Variants in ABLIM2 observed in about 807,000 individuals in gnomAD.
The protein encoded by ABLIM2 is actin-binding LIM protein 2.
In ABLIM2, 53 loss-of-function variants were observed where a neutral mutation model predicts 97.7. The ratio of observed to expected loss-of-function variants is 0.54; its 90% CI spans 0.44 to 0.68. The LOEUF (loss-of-function observed/expected upper bound fraction) is 0.68, where lower values mean the gene tolerates loss of function less well. ABLIM2 is among the 30% of genes least tolerant of loss of function. ABLIM2 has a pLI of 0.00. For synonymous variants in ABLIM2, 361 were observed against 345.8 expected, an observed-to-expected ratio of 1.04 and a Z score of -0.49; for missense variants, 835 against 867.2, an observed-to-expected ratio of 0.96 and a Z score of 0.47.
intron 1 of ABLIM2, among the ~76,000 whole-genome samples, chr4:8,114,006 T>C (rs1413370974): frequency 6.6e-6 from 1 of 152,154 alleles, no homozygotes; most frequent in East Asian, 1.9e-4. Flanking sequence ...GCTCAGAGGA[T>C]GGACAGGCAC....
chr4:8,085,714 A>G lies in ABLIM2; in HGVS notation c.454+2455T>C, dbSNP rs1350995477. On this transcript the variant is annotated intron_variant, in intron 4 of 20. Coordinates refer to ENST00000447017, the MANE Select transcript of ABLIM2 (RefSeq NM_001130083.2). This position sits in a 1 kb window ranked among gnomAD's most constrained non-coding sequence, Gnocchi z 6.1. Reference sequence around the variant, plus strand: ...GGGTGCCCACGCTGCAGCCCCGTCCACTCACGCGGGTCTGGGGGGTGCACC... The same window carrying G: ...GGGTGCCCACGCTGCAGCCCCGTCCGCTCACGCGGGTCTGGGGGGTGCACC... 4.0e-5 allele frequency among the ~76,000 whole-genome samples: 6 copies of G among 151,786 alleles called. No homozygotes were observed. Among genetic ancestry groups the G allele is most frequent in the African/African-American group, 4.8e-5 (2 of 41,266 alleles).
At chr4:8,026,445 T>C (rs1009872521) in intron 12 of ABLIM2, among the ~76,000 whole-genome samples, 11 of 152,218 alleles carry the variant, frequency 7.2e-5, no homozygotes, top group African/African-American at 2.4e-4. Context: ...GATGATGAGG[T>C]ACACGGAGAG....
chr4:8,077,643 C>T lies in ABLIM2; in HGVS notation c.660G>A (p.Thr220=), dbSNP rs767734715. ...CCGCGCTTACCTCCAGCACGCGCCCCGTGATGTATTTCTCACAGCTGTCAC... is the reference window on the plus strand; with the variant it reads ...CCGCGCTTACCTCCAGCACGCGCCCTGTGATGTATTTCTCACAGCTGTCAC... ...IRCDSCEKYI[T]GRVLEAGEKH... The change falls in exon 6 of 21, where the codon ACG becomes ACA. Residue 220 remains threonine (T), a synonymous_variant. Transcript: ENST00000447017. 5.6e-5 allele frequency: 90 copies of T among 1,611,538 alleles called. No homozygotes were observed. The highest frequency in any genetic ancestry group is 6.4e-5 in the Non-Finnish European group (76 of 1,178,918).
chr4:8,063,805 T>C (rs912797441), intron 6 of ABLIM2, among the ~76,000 whole-genome samples: 2 of 152,232 alleles, frequency 1.3e-5, no homozygotes, highest in Non-Finnish European at 2.9e-5. Context: ...CCATTCTCTG[T>C]ACTATAATTC....
intron 8 of ABLIM2, among the ~76,000 whole-genome samples, chr4:8,052,602 G>A (rs1474723911): frequency 6.6e-6 from 1 of 152,252 alleles, no homozygotes; most frequent in Non-Finnish European, 1.5e-5. Context: ...GAGAGCATCA[G>A]GGACACAGGT....
At chr4:8,092,584 T>C (rs1221265173) in intron 3 of ABLIM2, among the ~76,000 whole-genome samples, 2 of 152,174 alleles carry the variant, frequency 1.3e-5, no homozygotes, top group African/African-American at 2.4e-5. Context: ...CTGATTAGCA[T>C]ATGAGATGTA....
intron 7 of ABLIM2, among the ~76,000 whole-genome samples, chr4:8,056,898 C>T (rs1374868439): frequency 1.5e-5 from 2 of 133,530 alleles, no homozygotes; most frequent in African/African-American, 2.9e-5. Flanking sequence ...CACCACTGCA[C>T]TCCACCCTGG....
chr4:8,065,989 G>A (rs1250688052), intron 6 of ABLIM2, among the ~76,000 whole-genome samples: 1 of 144,438 alleles, frequency 6.9e-6, no homozygotes, highest in African/African-American at 2.6e-5. Context: ...GGGAGGGCAG[G>A]GGAGGGGAGG....
chr4:8,106,371 A>G, intron 2 of ABLIM2, 123 bp downstream of exon 2: 1 of 1,313,260 alleles, frequency 7.6e-7, no homozygotes, highest in Non-Finnish European at 1.1e-6. Flanking sequence ...AAGATTCTGT[A>G]TCTGGAGTGT....
rs1797695276 is a variant in ABLIM2 at position 8,054,299 on chromosome 4, G to A, written c.764-53C>T. 2.5e-6 allele frequency: 4 copies of A among 1,594,766 alleles called. No individual in the cohort carries two copies. The highest frequency in any genetic ancestry group is 8.6e-7 in the Non-Finnish European group (1 of 1,163,710). ...GATTAGAGTTATTTCCCATGTTGCA[G>A]GGGCCTGTGTGGAAACGCAGAGGAG... is the stretch of plus-strand genomic sequence containing the variant. On this transcript the variant is annotated intron_variant, in intron 7 of 20. Coordinates refer to ENST00000447017, the MANE Select transcript of ABLIM2 (RefSeq NM_001130083.2). This position sits in a 1 kb window ranked among gnomAD's most constrained non-coding sequence, Gnocchi z 4.9.
rs547046971 is a variant in ABLIM2 at position 8,034,402 on chromosome 4, C to T, written c.1047+1747G>A. Among the ~76,000 whole-genome samples, 3 of 136,446 alleles carry T rather than the reference C, an allele frequency of 2.2e-5. No individual in the cohort carries two copies. In the Admixed American group the frequency reaches 2.2e-4, roughly 10 times the overall value. 89.5% of individuals were successfully genotyped at this position (136,446 alleles called of 152,430 possible). On this transcript the variant is annotated intron_variant, in intron 10 of 20. Coordinates refer to ENST00000447017, the MANE Select transcript of ABLIM2 (RefSeq NM_001130083.2). ...GTGGTAAGTGGGTGCAGGCAAGGTGCAGGTAGGTGGGTGGTAGACAGGTGC... is the reference window on the plus strand; with the variant it reads ...GTGGTAAGTGGGTGCAGGCAAGGTGTAGGTAGGTGGGTGGTAGACAGGTGC...
chr4:8,118,281 A>G (rs997465019), intron 1 of ABLIM2, among the ~76,000 whole-genome samples: 8 of 152,096 alleles, frequency 5.3e-5, no homozygotes, highest in Middle Eastern at 3.4e-3. Flanking sequence ...CCAGAAGAGC[A>G]CTCCACACTC....
chr4:8,034,488 AGGTG>A (rs1319485523), intron 10 of ABLIM2, among the ~76,000 whole-genome samples: 1 of 43,262 alleles, frequency 2.3e-5, no homozygotes, highest in Non-Finnish European at 4.4e-5. Context: ...AGGTGGGTGC[AGGTG>A]GGTGGGTGGT....
At chr4:8,153,612 G>C (rs1001166276) in intron 1 of ABLIM2, among the ~76,000 whole-genome samples, 1 of 152,184 alleles carries the variant, frequency 6.6e-6, no homozygotes, top group Admixed American at 6.5e-5. Flanking sequence ...AAGCTCCCTC[G>C]ATGCTGGGAG....
At chr4:8,100,511 C>A (rs954292136) in intron 2 of ABLIM2, among the ~76,000 whole-genome samples, 5 of 152,102 alleles carry the variant, frequency 3.3e-5, no homozygotes, top group African/African-American at 1.2e-4. Context: ...CTTTGGGAGG[C>A]TGAGGGGGGC....
intron 9 of ABLIM2, among the ~76,000 whole-genome samples, chr4:8,040,644 G>A (rs561521515): frequency 6.6e-6 from 1 of 151,640 alleles, no homozygotes; most frequent in Non-Finnish European, 1.5e-5. Context: ...AGAAAAGCAG[G>A]GCAGAACCCT....
Position 8,127,209 on chromosome 4 carries a change from G to A in ABLIM2, c.11-20572C>T, listed in dbSNP as rs968928238. Among the ~76,000 whole-genome samples the A allele has an allele frequency of 3.3e-5, 5 of 152,164 alleles. No individual in the cohort carries two copies. Among genetic ancestry groups the A allele is most frequent in the African/African-American group, 1.2e-4 (5 of 41,436 alleles). On this transcript the variant is annotated intron_variant, in intron 1 of 20. Transcript: ENST00000447017. The surrounding 1 kb of genome is among the most constrained non-coding windows in gnomAD (Gnocchi z 7.3). ...GGAGGCCCAGACGCTGTGGTCAGTG[G>A]GTGCTGGAGTCCAGACGCAGCTCCG...
Position 8,147,216 on chromosome 4 carries a change from G to A in ABLIM2, c.10+11464C>T, listed in dbSNP as rs1234449629. On this transcript the variant is annotated intron_variant, in intron 1 of 20. Coordinates refer to ENST00000447017, the MANE Select transcript of ABLIM2 (RefSeq NM_001130083.2). The surrounding 1 kb of genome is among the most constrained non-coding windows in gnomAD (Gnocchi z 5.3). ...ATATTCTTATCCACAGTCTGTGACAGGATCTAACTCCCGGGACGTTTAAAT... is the reference window on the plus strand; with the variant it reads ...ATATTCTTATCCACAGTCTGTGACAAGATCTAACTCCCGGGACGTTTAAAT... Among the ~76,000 whole-genome samples, 2 of 152,202 alleles carry A rather than the reference G, an allele frequency of 1.3e-5. No homozygotes were observed.
chr4:8,080,525 G>A, intron 5 of ABLIM2, 151 bp downstream of exon 5: 1 of 945,456 alleles, frequency 1.1e-6, no homozygotes, highest in Non-Finnish European at 1.4e-6. Context: ...TCTGAGCCAT[G>A]CTTCTCACCC....
Sources: allele counts gnomAD v4.1 joint callset (sites outside exome capture counted in the v4.1 genomes callset), GRCh38; gene constraint gnomAD v4.1.1; non-coding constraint Gnocchi (gnomAD v3.1); transcripts MANE v1.5; gene names NCBI Gene and HGNC (gene_info 2026-07-23, HGNC 2026-07-21).